Variants in CRISP2 observed in about 807,000 individuals in gnomAD.
CRISP2 encodes the protein cysteine-rich secretory protein 2.
Under a neutral mutation model 31.7 loss-of-function variants are expected in CRISP2, and 29 were observed. That is an observed-to-expected ratio of 0.92 (90% CI 0.68 to 1.25). The LOEUF (loss-of-function observed/expected upper bound fraction) is 1.25. Among genes scored for constraint, CRISP2 ranks in the 50% most tolerant of loss-of-function variants. The pLI, the probability that CRISP2 is intolerant of heterozygous loss-of-function variation, is 0.00. For missense variants in CRISP2, 318 were observed against 286.5 expected, an observed-to-expected ratio of 1.11 and a Z score of -0.79; for synonymous variants, 111 against 101.4, an observed-to-expected ratio of 1.09 and a Z score of -0.57.
chr6:49,680,664 T>A, the CRISP2 span, among the ~76,000 whole-genome samples: 111,857 of 152,040 alleles, frequency 0.74, 41,909 homozygotes, highest in East Asian at 0.97. Flanking sequence ...CCAACATCTG[T>A]TATTTTTTGA....
chr6:49,677,008 C>A, the CRISP2 span, among the ~76,000 whole-genome samples: 1 of 152,114 alleles, frequency 6.6e-6, no homozygotes, highest in African/African-American at 2.4e-5. Flanking sequence ...GTGACAAGGG[C>A]TACCTTATAC....
At chr6:49,701,851 A>G (rs1368659998) in intron 4 of CRISP2, among the ~76,000 whole-genome samples, 1 of 88,152 alleles carries the variant, frequency 1.1e-5, no homozygotes, top group Non-Finnish European at 2.2e-5. Context: ...TATATATTAT[A>G]TAATATATAT....
intron 3 of CRISP2, 38 bp downstream of exon 3, chr6:49,711,247 T>G (rs1455162734): frequency 2.0e-5 from 3 of 152,220 alleles, no homozygotes; most frequent in Non-Finnish European, 4.4e-5. Flanking sequence ...ATTGGCATGA[T>G]AAAATATTCA....
At chr6:49,699,424 G>T (rs1342135140) in intron 6 of CRISP2, among the ~76,000 whole-genome samples, 2 of 151,794 alleles carry the variant, frequency 1.3e-5, no homozygotes, top group African/African-American at 4.8e-5. Flanking sequence ...TAACAAAAAG[G>T]GCAGTGGGTT....
chr6:49,685,806 T>C, the CRISP2 span, among the ~76,000 whole-genome samples: 1 of 152,188 alleles, frequency 6.6e-6, no homozygotes, highest in African/African-American at 2.4e-5. Flanking sequence ...TTGTTTTTTG[T>C]TTCTATCCTG....
the CRISP2 span, among the ~76,000 whole-genome samples, chr6:49,678,171 C>A: frequency 6.6e-6 from 1 of 152,108 alleles, no homozygotes; most frequent in African/African-American, 2.4e-5. Flanking sequence ...TGTTCAGAAA[C>A]AATTCAACAC....
chr6:49,683,479 G>T, the CRISP2 span, among the ~76,000 whole-genome samples: 1 of 149,304 alleles, frequency 6.7e-6, no homozygotes, highest in Non-Finnish European at 1.5e-5. Flanking sequence ...TCAAGACCAA[G>T]ATGGTGAAAC....
At chr6:49,704,221 T>C (rs571783130) in intron 4 of CRISP2, among the ~76,000 whole-genome samples, 1 of 152,232 alleles carries the variant, frequency 6.6e-6, no homozygotes, top group East Asian at 1.9e-4. Flanking sequence ...TTTTTATTTG[T>C]GATATTTATT....
intron 3 of CRISP2, among the ~76,000 whole-genome samples, chr6:49,709,815 A>G (rs1259166073): frequency 6.6e-6 from 1 of 152,226 alleles, no homozygotes; most frequent in Non-Finnish European, 1.5e-5. Flanking sequence ...CAAAAAATAC[A>G]ATTAATGCAT....
At chr6:49,681,978 A>G in the CRISP2 span, among the ~76,000 whole-genome samples, 1 of 152,160 alleles carries the variant, frequency 6.6e-6, no homozygotes, top group Non-Finnish European at 1.5e-5. Flanking sequence ...ATTATTTACT[A>G]TGTCCTCACA....
intron 9 of CRISP2, 80 bp downstream of exon 9, chr6:49,695,756 G>A: frequency 1.8e-6 from 2 of 1,108,670 alleles, no homozygotes; most frequent in Non-Finnish European, 2.6e-6. Flanking sequence ...CATTACGTTA[G>A]GAGATTTGTT....
At chr6:49,701,834 A>G (rs1257091205) in intron 4 of CRISP2, among the ~76,000 whole-genome samples, 1 of 91,744 alleles carries the variant, frequency 1.1e-5, no homozygotes, top group African/African-American at 4.1e-5. Context: ...GTATACATTA[A>G]TAATAATATA....
chr6:49,678,955 A>T, the CRISP2 span, among the ~76,000 whole-genome samples: 65 of 152,254 alleles, frequency 4.3e-4, no homozygotes, highest in Admixed American at 1.6e-3. Flanking sequence ...AATGAATGGG[A>T]CAATTTTAAT....
rs1265351993 is a variant in CRISP2 at position 49,697,890 on chromosome 6, T to C, written c.485A>G (p.Lys162Arg). 4 of 1,612,326 alleles carry C rather than the reference T, an allele frequency of 2.5e-6. No homozygotes were observed. In the East Asian group the frequency reaches 8.9e-5, roughly 36 times the overall value. Residue 162 changes from lysine (K) to arginine (R), a missense_variant, in exon 8 of 10, where the codon AAA becomes AGA. Lys to Arg is a conservative substitution (Grantham distance 26, BLOSUM62 2). Transcript: ENST00000339139. ...ACAATATTGGCAAACATAGTAGTAT[T>C]TTAGACTATCTTGATTGGGACAGTA... The part of the protein sequence containing the change: ...IAYCPNQDSL[K>R]YYYVCQYCPA...
chr6:49,695,005 A>G (rs1331222048), intron 9 of CRISP2, among the ~76,000 whole-genome samples: 1 of 152,112 alleles, frequency 6.6e-6, no homozygotes. Context: ...TAGCTTTGGT[A>G]TCATTAATAT....
chr6:49,687,936 C>T (rs471198), downstream of CRISP2, among the ~76,000 whole-genome samples: 144,417 of 152,252 alleles, frequency 0.95, 68,524 homozygotes, highest in East Asian at 1. Context: ...GTTAAAGTCA[C>T]ATGGCGTAAC....
chr6:49,686,955 A>C, the CRISP2 span, among the ~76,000 whole-genome samples: 1 of 152,160 alleles, frequency 6.6e-6, no homozygotes, highest in African/African-American at 2.4e-5. Flanking sequence ...TCTCAAGGAC[A>C]AAAAACCAAA....
At chr6:49,686,296 A>G in the CRISP2 span, among the ~76,000 whole-genome samples, 1 of 152,210 alleles carries the variant, frequency 6.6e-6, no homozygotes, top group Non-Finnish European at 1.5e-5. Context: ...ATTATTTCCA[A>G]TACAAATAAC....
chr6:49,708,289 A>G (rs995602448), intron 4 of CRISP2, among the ~76,000 whole-genome samples: 1 of 152,188 alleles, frequency 6.6e-6, no homozygotes, highest in Non-Finnish European at 1.5e-5. Flanking sequence ...ATTAATTTAA[A>G]TAATACATTT....
Sources: allele counts gnomAD v4.1 joint callset (sites outside exome capture counted in the v4.1 genomes callset), GRCh38; gene constraint gnomAD v4.1.1; transcripts MANE v1.5; gene names NCBI Gene and HGNC (gene_info 2026-07-23, HGNC 2026-07-21).